TACR2: variants seen among roughly 807,000 people sequenced by gnomAD.
TACR2 encodes the protein tachykinin receptor 2.
Under a neutral mutation model 28.9 loss-of-function variants are expected in TACR2, and 24 were observed. The ratio of observed to expected loss-of-function variants is 0.83; its 90% CI spans 0.60 to 1.17. The LOEUF is 1.17. Ranked by LOEUF, TACR2 falls within the 50% of genes most tolerant of loss-of-function variation. TACR2 has a pLI of 0.00. For missense variants in TACR2, 487 were observed against 524.4 expected (o/e 0.93, Z 0.70); for synonymous variants, 222 against 212.6 (o/e 1.04, Z -0.38).
At position 69,409,904 on chromosome 10, in the gene TACR2, CATATAT is replaced by C. The variant is rs10663894; in HGVS notation, c.588-835_588-830del. On this transcript the variant is annotated intron_variant, in intron 2 of 4. Transcript: ENST00000373306. ...ATACATATATACATATATATATATA[CATATAT>C]ATATATATATATATATATATATATA... 1.0e-3 allele frequency among the ~76,000 whole-genome samples: 35 copies of C among 34,664 alleles called. 1 individual carries two copies. The highest frequency in any genetic ancestry group is 1.4e-3 in the Non-Finnish European group (29 of 20,186). The allele number at this position is 34,664 out of a possible 152,430, so 22.7% of individuals were successfully genotyped here.
Position 69,403,914 on chromosome 10 carries a change from G to A in TACR2, c.*912C>T, listed in dbSNP as rs1018478144. On this transcript the variant is annotated 3_prime_UTR_variant, in exon 5 of 5. Coordinates refer to ENST00000373306, the MANE Select transcript of TACR2 (RefSeq NM_001057.3). The stretch of plus-strand genomic sequence containing the variant: ...AAATCTGGAAGACTCACATACAAAT[G>A]TGGATTTATAGCTTCTCTTGAAAGA... 5.3e-5 allele frequency: 8 copies of A among 152,328 alleles called. No individual in the cohort carries two copies. Among genetic ancestry groups the A allele is most frequent in the African/African-American group, 1.9e-4 (8 of 41,570 alleles). 9.4% of individuals were successfully genotyped at this position (152,328 alleles called of 1,614,324 possible).
chr10:69,416,503 G>T lies in TACR2; in HGVS notation c.-180C>A. 1.3e-6 allele frequency: 1 copy of T among 743,640 alleles called. No homozygotes were observed. The highest frequency in any genetic ancestry group is 2.1e-6 in the Non-Finnish European group (1 of 477,724). 46.1% of individuals were successfully genotyped at this position (743,640 alleles called of 1,614,324 possible). On this transcript the variant is annotated 5_prime_UTR_variant, in exon 1 of 5. Transcript: ENST00000373306. ...CTAGGTCTCAGGCAAAGATGAGCTG[G>T]GCTGAGCACAAAGCCCAGTCCAGAA...
intron 3 of TACR2, 41 bp downstream of exon 3, chr10:69,408,865 CCAGCCCCCCGCCCCCT>C: frequency 2.4e-5 from 1 of 41,558 alleles, no homozygotes; most frequent in Non-Finnish European, 3.7e-5. Flanking sequence ...CTCGCCCCCG[CCAGCCCCCCGCCCCCT>C]CCAGGCCCCG....
chr10:69,407,098 G>C lies in TACR2; in HGVS notation c.924C>G (p.Cys308Trp), dbSNP rs763608666. The C allele has an allele frequency of 6.2e-7, 1 of 1,613,776 alleles. No individual in the cohort carries two copies. Among genetic ancestry groups the C allele is most frequent in the Non-Finnish European group, 8.5e-7 (1 of 1,179,812 alleles). Residue 308 changes from cysteine to tryptophan, a missense_variant, in exon 4 of 5, where the codon TGC becomes TGG. Cys to Trp is a radical substitution (Grantham distance 215). Coordinates refer to ENST00000373306, the MANE Select transcript of TACR2 (RefSeq NM_001057.3). Reference protein sequence around the residue: ...SSTMYNPIIYCCLNHRFRSGF... With the variant: ...SSTMYNPIIYWCLNHRFRSGF... Reference sequence around the variant, plus strand: ...TGGGGGCTCACCTGTGGTTGAGACAGCAGTAGATGATGGGATTGTACATGG... The same window carrying C: ...TGGGGGCTCACCTGTGGTTGAGACACCAGTAGATGATGGGATTGTACATGG...
At chr10:69,411,559 G>A (rs563408475) in intron 2 of TACR2, among the ~76,000 whole-genome samples, 2 of 152,176 alleles carry the variant, frequency 1.3e-5, no homozygotes, top group East Asian at 3.9e-4. Flanking sequence ...AAATTCCTTG[G>A]GGGCAACATC....
At chr10:69,413,103 T>C (rs972116649) in intron 2 of TACR2, among the ~76,000 whole-genome samples, 1 of 151,996 alleles carries the variant, frequency 6.6e-6, no homozygotes, top group African/African-American at 2.4e-5. Flanking sequence ...AGGTAGTCTT[T>C]TTGTATTTTG....
chr10:69,408,869 CCCCCCGCCCCCTCCA>C, intron 3 of TACR2, 38 bp downstream of exon 3: 1 of 47,760 alleles, frequency 2.1e-5, no homozygotes, highest in South Asian at 1.2e-3. Context: ...CCCCCGCCAG[CCCCCCGCCCCCTCCA>C]GGCCCCGCCC....
chr10:69,405,455 A>T lies in TACR2; in HGVS notation c.939-371T>A, dbSNP rs542317671. On this transcript the variant is annotated intron_variant, in intron 4 of 4. Transcript: ENST00000373306. ...TAACTGGCTTCTAAGGGATGAGTCAAAGAAGAACCTGCTAAAACACAATGG... is the reference window on the plus strand; with the variant it reads ...TAACTGGCTTCTAAGGGATGAGTCATAGAAGAACCTGCTAAAACACAATGG... Among the ~76,000 whole-genome samples, 3 of 152,324 alleles carry T rather than the reference A, an allele frequency of 2.0e-5. No individual in the cohort carries two copies. In the South Asian group the frequency reaches 6.2e-4, roughly 32 times the overall value.
Position 69,415,992 on chromosome 10 carries a change from A to G in TACR2, c.332T>C (p.Leu111Pro). The G allele has an allele frequency of 1.9e-6, 3 of 1,614,204 alleles. No homozygotes were observed. The highest frequency in any genetic ancestry group is 2.5e-6 in the Non-Finnish European group (3 of 1,180,046). The change falls in exon 1 of 5, where the codon CTC (leucine) becomes CCC (proline). Residue 111 changes from leucine to proline, a missense_variant. Coordinates refer to ENST00000373306, the MANE Select transcript of TACR2 (RefSeq NM_001057.3). The part of the protein sequence containing the change: ...FGRAFCYFQN[L>P]FPITAMFVSI... ...GACAAACATGGCTGTGATGGGGAAGAGGTTCTGGAAGTAGCAGAAGGCACG... is the reference window on the plus strand; with the variant it reads ...GACAAACATGGCTGTGATGGGGAAGGGGTTCTGGAAGTAGCAGAAGGCACG...
chr10:69,407,377 A>C, intron 3 of TACR2, 97 bp from the exon 4 acceptor site: 1 of 1,172,644 alleles, frequency 8.5e-7, no homozygotes, highest in African/African-American at 1.6e-5. Flanking sequence ...CCACCTGGGA[A>C]CTGCTCCACA....
intron 2 of TACR2, among the ~76,000 whole-genome samples, chr10:69,409,932 T>TATAC (rs1840554788): frequency 9.4e-6 from 1 of 106,298 alleles, no homozygotes; most frequent in Non-Finnish European, 1.9e-5. Context: ...TATATATATA[T>TATAC]ATATATATAT....
intron 2 of TACR2, among the ~76,000 whole-genome samples, chr10:69,410,189 C>T (rs1284969122): frequency 6.6e-6 from 1 of 151,752 alleles, no homozygotes; most frequent in East Asian, 1.9e-4. Flanking sequence ...CCAGGGAGGA[C>T]ACTGGGTTGT....
Position 69,405,047 on chromosome 10 carries a change from G to T in TACR2, c.976C>A (p.Pro326Thr), listed in dbSNP as rs201812367. ...SGFRLAFRCCPWVTPTKEDKL... is the reference protein window; with the variant it reads ...SGFRLAFRCCTWVTPTKEDKL... ...TCTTCCTTGGTGGGTGTGACCCATGGGCAGCAGCGGAAGGCAAGCCGGAAT... is the reference window on the plus strand; with the variant it reads ...TCTTCCTTGGTGGGTGTGACCCATGTGCAGCAGCGGAAGGCAAGCCGGAAT... Residue 326 changes from proline (P) to threonine (T), a missense_variant, in exon 5 of 5, where the codon CCA becomes ACA. By Grantham distance (38) the Pro-to-Thr change is conservative. Transcript: ENST00000373306. 2.5e-6 allele frequency: 4 copies of T among 1,614,002 alleles called. No individual in the cohort carries two copies. The highest frequency in any genetic ancestry group is 3.4e-6 in the Non-Finnish European group (4 of 1,179,916).
At chr10:69,415,566 A>C (rs922718528) in intron 1 of TACR2, among the ~76,000 whole-genome samples, 3 of 149,016 alleles carry the variant, frequency 2.0e-5, no homozygotes, top group African/African-American at 7.8e-5. Flanking sequence ...TATCCGGAAT[A>C]ATAAAAAAAA....
Position 69,416,258 on chromosome 10 carries a change from G to A in TACR2, c.66C>T (p.Gly22=). 6.2e-7 allele frequency: 1 copy of A among 1,613,246 alleles called. No individual in the cohort carries two copies. Among genetic ancestry groups the A allele is most frequent in the East Asian group, 2.2e-5 (1 of 44,868 alleles). The change falls in exon 1 of 5, where the codon GGC becomes GGT. Residue 22 remains glycine (G), a synonymous_variant. Transcript: ENST00000373306. ...AGCTGGGCATGGAGAAGGCTGTGAT[G>A]CCCGTGGTGTTGCTCTCAGGGCCAG... ...ISSGPESNTT[G]ITAFSMPSWQ... is the part of the protein sequence containing the mutation.
chr10:69,409,362 T>C (rs2133006563), intron 2 of TACR2: 1 of 285,962 alleles, frequency 3.5e-6, no homozygotes, highest in Non-Finnish European at 6.5e-6. Context: ...GAAAAGTGAA[T>C]GAAACAAATT....
At chr10:69,414,337 G>A (rs1316650738) in intron 2 of TACR2, among the ~76,000 whole-genome samples, 1 of 152,152 alleles carries the variant, frequency 6.6e-6, no homozygotes, top group African/African-American at 2.4e-5. Flanking sequence ...CCAGACACAC[G>A]CCTACACATG....
At chr10:69,411,466 T>C (rs7076062) in intron 2 of TACR2, among the ~76,000 whole-genome samples, 3,467 of 152,260 alleles carry the variant, frequency 0.023, 136 homozygotes, top group African/African-American at 0.079. Flanking sequence ...AATCTGCCTT[T>C]CCAGGACTAA....
chr10:69,408,476 TC>T (rs1840524472), intron 3 of TACR2, among the ~76,000 whole-genome samples: 1 of 152,138 alleles, frequency 6.6e-6, no homozygotes, highest in African/African-American at 2.4e-5. Context: ...CTTTTTTTTT[TC>T]TTCCTTTTTG....
Sources: gnomAD v4.1 joint callset for allele counts (sites outside exome capture counted in the v4.1 genomes callset) on GRCh38, gnomAD v4.1.1 for gene constraint, MANE v1.5 for transcripts, NCBI Gene and HGNC (gene_info 2026-07-23, HGNC 2026-07-21) for gene names.